The following SOX13 variants were observed in gnomAD, a reference collection of about 807,000 sequenced individuals.
SOX13 encodes SRY-box transcription factor 13.
SOX13 carries 28 observed loss-of-function variants against 71.8 expected under a neutral mutation model. That is an observed-to-expected ratio of 0.39 (90% CI 0.29 to 0.53). The LOEUF is 0.53. SOX13 is among the 20% of genes least tolerant of loss of function. SOX13 has a pLI of 0.70. For synonymous variants in SOX13, 309 were observed against 317.8 expected (o/e 0.97, Z 0.29); for missense variants, 627 against 810.3 (o/e 0.77, Z 2.75).
At position 204,123,588 on chromosome 1, in the gene SOX13, T is replaced by A; in HGVS notation, c.1232-73T>A. ...CCTCCTGCTGGTCAAGTAGGGGACGTCTCTCTGCTGGCCCTGGGGCACTCT... is the reference window on the plus strand; with the variant it reads ...CCTCCTGCTGGTCAAGTAGGGGACGACTCTCTGCTGGCCCTGGGGCACTCT... On this transcript the variant is annotated intron_variant, in intron 11 of 13. Coordinates refer to ENST00000367204, the MANE Select transcript of SOX13 (RefSeq NM_005686.3). This position sits in a 1 kb window ranked among gnomAD's most constrained non-coding sequence, Gnocchi z 5.0. 6.6e-7 allele frequency: 1 copy of A among 1,523,398 alleles called. No individual in the cohort carries two copies. The highest frequency in any genetic ancestry group is 1.2e-5 in the South Asian group (1 of 84,368). The allele number at this position is 1,523,398 out of a possible 1,614,324, so 94.4% of individuals were successfully genotyped here.
At chr1:204,077,922 C>T (rs1020441055) in intron 1 of SOX13, among the ~76,000 whole-genome samples, 1 of 152,194 alleles carries the variant, frequency 6.6e-6, no homozygotes, top group Non-Finnish European at 1.5e-5. Flanking sequence ...AGCAATTCTC[C>T]TGCCTCAGCC....
chr1:204,114,146 T>C (rs1013455381), intron 2 of SOX13, among the ~76,000 whole-genome samples, 175 bp from the exon 3 acceptor site: 1 of 152,194 alleles, frequency 6.6e-6, no homozygotes, highest in African/African-American at 2.4e-5. Context: ...AATCTTCTGT[T>C]CTTTTCCTAA....
At chr1:204,117,321 AGGAGG>A in intron 6 of SOX13, 131 bp downstream of exon 6, 1 of 815,444 alleles carries the variant, frequency 1.2e-6, no homozygotes, top group Non-Finnish European at 2.1e-6. Flanking sequence ...GCCTGACCTG[AGGAGG>A]GTTATTTCTA....
chr1:204,091,949 C>A (rs1250584310), intron 1 of SOX13, among the ~76,000 whole-genome samples: 1 of 152,054 alleles, frequency 6.6e-6, no homozygotes, highest in East Asian at 1.9e-4. Flanking sequence ...TTCTTTTGTT[C>A]ATTCTTTCTT....
chr1:204,110,615 G>A (rs541967507), intron 1 of SOX13, among the ~76,000 whole-genome samples: 2 of 152,074 alleles, frequency 1.3e-5, no homozygotes, highest in African/African-American at 2.4e-5. Flanking sequence ...ATCCATGGAT[G>A]TGGAACCTAC....
intron 4 of SOX13, chr1:204,116,202 AG>A (rs1295536522): frequency 7.4e-6 from 10 of 1,346,270 alleles, no homozygotes; most frequent in Non-Finnish European, 7.8e-6. Flanking sequence ...TGTGGCGCTG[AG>A]CACTCGAGGA....
At chr1:204,111,275 C>T (rs1421278705) in intron 1 of SOX13, among the ~76,000 whole-genome samples, 2 of 152,230 alleles carry the variant, frequency 1.3e-5, no homozygotes, top group Non-Finnish European at 2.9e-5. Flanking sequence ...TCTTACCATG[C>T]TCATTTTACA....
chr1:204,077,907 G>A (rs890283842), intron 1 of SOX13, among the ~76,000 whole-genome samples: 19 of 152,136 alleles, frequency 1.2e-4, no homozygotes, highest in African/African-American at 4.6e-4. Context: ...CACCTCCTGA[G>A]TTCAAGCAAT....
At chr1:204,117,936 T>G (rs1656727629) in intron 7 of SOX13, 1 of 554,252 alleles carries the variant, frequency 1.8e-6, no homozygotes, top group African/African-American at 1.9e-5. Context: ...TAAAATGATG[T>G]AGCAATCCAG....
Position 204,117,654 on chromosome 1 carries a change from T to A in SOX13, c.722T>A (p.Val241Asp). The change falls in exon 7 of 14, where the codon GTC becomes GAC. Residue 241 changes from valine (V) to aspartate (D), a missense_variant. Transcript: ENST00000367204. ...AFPPSHQPLP[V>D]TPDSQLALPI... is the part of the protein sequence containing the mutation. ...CCCCCAAGCCACCAACCTCTGCCTG[T>A]CACCCCTGACTCCCAGCTGGCCTTA... The A allele has an allele frequency of 6.2e-7, 1 of 1,613,794 alleles. No individual in the cohort carries two copies. Among genetic ancestry groups the A allele is most frequent in the Non-Finnish European group, 8.5e-7 (1 of 1,179,850 alleles).
chr1:204,076,024 G>C (rs887441859), intron 1 of SOX13, among the ~76,000 whole-genome samples: 1 of 152,116 alleles, frequency 6.6e-6, no homozygotes, highest in Admixed American at 6.5e-5. Flanking sequence ...CAGATCAAAC[G>C]TATCCTTCTT....
chr1:204,125,235 A>G (rs537932934), intron 13 of SOX13, among the ~76,000 whole-genome samples: 1 of 152,210 alleles, frequency 6.6e-6, no homozygotes, highest in Non-Finnish European at 1.5e-5. Context: ...ACCCTAGTCT[A>G]TTCCTTTAAA....
At chr1:204,107,849 A>T (rs1656502254) in intron 1 of SOX13, among the ~76,000 whole-genome samples, 1 of 152,132 alleles carries the variant, frequency 6.6e-6, no homozygotes, top group Non-Finnish European at 1.5e-5. Context: ...GTGAGGATGG[A>T]AGGGCCCTTG....
rs373897659 is a variant in SOX13, at chr1:204,084,961, C to T, written c.-2+11250C>T. Among the ~76,000 whole-genome samples, 4 of 152,184 alleles carry T rather than the reference C, an allele frequency of 2.6e-5. No homozygotes were observed. In the East Asian group the frequency reaches 7.7e-4, roughly 29 times the overall value. On this transcript the variant is annotated intron_variant, in intron 1 of 13. Transcript: ENST00000367204. ...GATCTCTCCCACTGGGACACCCAAA[C>T]ATGAAATGGATGGGAGATGGGAAAA... is the stretch of plus-strand genomic sequence containing the variant.
At chr1:204,101,648 G>A (rs928185728) in intron 1 of SOX13, among the ~76,000 whole-genome samples, 24 of 152,032 alleles carry the variant, frequency 1.6e-4, no homozygotes, top group Non-Finnish European at 3.2e-4. Context: ...CCAGGCATTG[G>A]GCTAAGTATT....
rs201765005 is a variant in SOX13, at chr1:204,124,752, G to A, written c.1487G>A (p.Arg496Gln). The A allele has an allele frequency of 6.8e-6, 11 of 1,609,786 alleles. No homozygotes were observed. Among genetic ancestry groups the A allele is most frequent in the Non-Finnish European group, 9.3e-6 (11 of 1,178,378 alleles). ...TATCCTGACTACAAGTACAAGCCGC[G>A]GCCCAAGCGCACCTGCATCGTGGAG... is the stretch of plus-strand genomic sequence containing the variant. ...EKYPDYKYKP[R>Q]PKRTCIVEGK... Residue 496 changes from arginine (R) to glutamine (Q), a missense_variant, in exon 13 of 14, where the codon CGG becomes CAG. By Grantham distance (43) the Arg-to-Gln change is conservative (BLOSUM62 1). Coordinates refer to ENST00000367204, the MANE Select transcript of SOX13 (RefSeq NM_005686.3).
rs896048350 is a variant in SOX13 at position 204,081,212 on chromosome 1, C to T, written c.-2+7501C>T. Among the ~76,000 whole-genome samples, 1 of 152,044 alleles carries T rather than the reference C, an allele frequency of 6.6e-6. No individual in the cohort carries two copies. The highest frequency in any genetic ancestry group is 2.4e-5 in the African/African-American group (1 of 41,388). ...ACAGGCATGAGCCACCACTCCCAGC[C>T]ATGACTTCTTTCTTTTTTTTAAAGA... On this transcript the variant is annotated intron_variant, in intron 1 of 13. Transcript: ENST00000367204. The surrounding 1 kb of genome is among the most constrained non-coding windows in gnomAD (Gnocchi z 4.3).
chr1:204,106,305 G>A (rs954782327), intron 1 of SOX13, among the ~76,000 whole-genome samples: 1 of 152,162 alleles, frequency 6.6e-6, no homozygotes, highest in African/African-American at 2.4e-5. Context: ...AAACCTGAGA[G>A]AGCAGGAGCT....
chr1:204,093,762 T>C (rs1293516388), intron 1 of SOX13, among the ~76,000 whole-genome samples: 1 of 152,262 alleles, frequency 6.6e-6, no homozygotes, highest in African/African-American at 2.4e-5. Context: ...TCCTCATCTG[T>C]ACAATGAGTT....
Sources: allele counts gnomAD v4.1 joint callset (sites outside exome capture counted in the v4.1 genomes callset), GRCh38; gene constraint gnomAD v4.1.1; non-coding constraint Gnocchi (gnomAD v3.1); transcripts MANE v1.5; gene names NCBI Gene and HGNC (gene_info 2026-07-23, HGNC 2026-07-21).